SQOR: variants seen among roughly 807,000 people sequenced by gnomAD.
The protein encoded by SQOR is sulfide quinone oxidoreductase.
A neutral mutation model predicts 48.6 loss-of-function variants in SQOR; 39 were observed. That is an observed-to-expected ratio of 0.80 (90% CI 0.62 to 1.05). The LOEUF is 1.05. SQOR is among the 50% of genes least tolerant of loss of function. The pLI is 0.00. For synonymous variants in SQOR, 220 were observed against 206.2 expected (o/e 1.07, Z -0.57); for missense variants, 561 against 559.9 (o/e 1.00, Z -0.02).
At chr15:45,662,938 C>T (rs1314361623) in intron 3 of SQOR, among the ~76,000 whole-genome samples, 5 of 152,170 alleles carry the variant, frequency 3.3e-5, no homozygotes, top group Admixed American at 6.5e-5. Context: ...GGCATTTTCA[C>T]GGAATTGTAG....
Position 45,674,713 on chromosome 15 carries a change from C to T in SQOR, c.654+912C>T, listed in dbSNP as rs934006570. ...TTTGGGCAGGAGGAGACTTTCTCAG[C>T]ATTCTCCAAATGCTCTCTGTGTAAG... On this transcript the variant is annotated intron_variant, in intron 5 of 9. Coordinates refer to ENST00000260324, the MANE Select transcript of SQOR (RefSeq NM_021199.4). 5.9e-5 allele frequency among the ~76,000 whole-genome samples: 9 copies of T among 152,324 alleles called. No homozygotes were observed. The East Asian group carries it at 9.7e-4, about 16-fold the overall frequency.
intron 7 of SQOR, among the ~76,000 whole-genome samples, chr15:45,683,662 C>G (rs1297282535): frequency 6.6e-6 from 1 of 152,082 alleles, no homozygotes; most frequent in Non-Finnish European, 1.5e-5. Flanking sequence ...CTAGGAAACT[C>G]ACTGAGTGTC....
chr15:45,641,127 T>C (rs2140937186), intron 1 of SQOR, among the ~76,000 whole-genome samples: 1 of 152,364 alleles, frequency 6.6e-6, no homozygotes, highest in Middle Eastern at 3.4e-3. Flanking sequence ...TCCTGGAATC[T>C]GAATGCAAGC....
upstream of SQOR, among the ~76,000 whole-genome samples, chr15:45,632,941 C>CA (rs111851737): frequency 0.15 from 19,403 of 131,194 alleles, 1,468 homozygotes; most frequent in Admixed American, 0.23. Flanking sequence ...TCCATCTCTA[C>CA]AAAAAAAAAA....
chr15:45,678,026 C>T (rs1046148927), intron 6 of SQOR, among the ~76,000 whole-genome samples: 5 of 152,184 alleles, frequency 3.3e-5, no homozygotes, highest in South Asian at 2.1e-4. Flanking sequence ...GTTTGTTAGA[C>T]TGGAACATTG....
At chr15:45,638,955 C>T (rs1895059713) in intron 1 of SQOR, among the ~76,000 whole-genome samples, 1 of 152,174 alleles carries the variant, frequency 6.6e-6, no homozygotes, top group African/African-American at 2.4e-5. Context: ...GACTTTCAAT[C>T]TCCAGAACTT....
intron 9 of SQOR, among the ~76,000 whole-genome samples, chr15:45,689,574 C>A (rs1412442490): frequency 6.6e-6 from 1 of 151,904 alleles, no homozygotes; most frequent in Admixed American, 6.5e-5. Flanking sequence ...CCTGCCACCA[C>A]GCCTGGCTAA....
chr15:45,653,456 G>A (rs117110835), intron 1 of SQOR, among the ~76,000 whole-genome samples: 3,644 of 150,226 alleles, frequency 0.024, 66 homozygotes, highest in Non-Finnish European at 0.038. Context: ...AGAGACATAT[G>A]GGGCAAGGTA....
upstream of SQOR, chr15:45,631,243 A>G (rs962591225): frequency 6.4e-6 from 1 of 156,150 alleles, no homozygotes; most frequent in Non-Finnish European, 1.4e-5. Context: ...AAGTCCAATT[A>G]AACTTCTTTT....
chr15:45,650,017 A>G (rs1889442198), intron 1 of SQOR, among the ~76,000 whole-genome samples: 1 of 151,182 alleles, frequency 6.6e-6, no homozygotes, highest in Non-Finnish European at 1.5e-5. Flanking sequence ...TAATTTTTGT[A>G]TTTTTAGTAG....
chr15:45,673,566 T>C, intron 4 of SQOR, 41 bp from the exon 5 acceptor site: 1 of 1,592,592 alleles, frequency 6.3e-7, no homozygotes, highest in Admixed American at 1.7e-5. Context: ...TAAAGACATT[T>C]GCACTTTTGT....
chr15:45,634,411 A>G (rs1894958413), upstream of SQOR, among the ~76,000 whole-genome samples: 2 of 151,692 alleles, frequency 1.3e-5, no homozygotes, highest in Admixed American at 6.6e-5. Flanking sequence ...CTGAGACTTT[A>G]CATCAACCTG....
chr15:45,646,726 C>T (rs1357258322), intron 1 of SQOR, among the ~76,000 whole-genome samples: 1 of 152,170 alleles, frequency 6.6e-6, no homozygotes, highest in East Asian at 1.9e-4. Context: ...CAAAAATAGA[C>T]TGCCACAAGG....
intron 1 of SQOR, among the ~76,000 whole-genome samples, chr15:45,639,175 TC>T (rs1367975251): frequency 2.0e-5 from 3 of 152,212 alleles, no homozygotes; most frequent in Non-Finnish European, 4.4e-5. Context: ...CAGAAGAGTC[TC>T]CCATGTACTT....
At chr15:45,639,579 C>T (rs915135252) in intron 1 of SQOR, among the ~76,000 whole-genome samples, 3 of 152,246 alleles carry the variant, frequency 2.0e-5, no homozygotes, top group Admixed American at 1.3e-4. Context: ...AGGGCTGCTT[C>T]TGGAAGTGGG....
At chr15:45,665,187 T>C (rs1889792061) in intron 3 of SQOR, among the ~76,000 whole-genome samples, 1 of 152,228 alleles carries the variant, frequency 6.6e-6, no homozygotes, top group African/African-American at 2.4e-5. Context: ...GTGTTCTCAC[T>C]GCTGAGTCCT....
intron 7 of SQOR, among the ~76,000 whole-genome samples, chr15:45,683,648 C>T (rs1298128346): frequency 6.6e-6 from 1 of 152,008 alleles, no homozygotes; most frequent in African/African-American, 2.4e-5. Context: ...TCAAGGTAGA[C>T]CATCTAGGAA....
chr15:45,689,016 C>A (rs781090059), intron 8 of SQOR, 23 bp from the exon 9 acceptor site: 26 of 1,608,012 alleles, frequency 1.6e-5, no homozygotes, highest in Non-Finnish European at 1.7e-6. Flanking sequence ...TACTTTCCAA[C>A]TCAGTCTGAT....
At chr15:45,683,895 TG>T (rs869034074) in intron 7 of SQOR, among the ~76,000 whole-genome samples, 1 of 62,138 alleles carries the variant, frequency 1.6e-5, no homozygotes, top group Non-Finnish European at 6.1e-5. Context: ...TATATATTTT[TG>T]TTTGTTTGTT....
Sources: gnomAD v4.1 joint callset for allele counts (sites outside exome capture counted in the v4.1 genomes callset) on GRCh38, gnomAD v4.1.1 for gene constraint, MANE v1.5 for transcripts, NCBI Gene and HGNC (gene_info 2026-07-23, HGNC 2026-07-21) for gene names.